ADAMTSL1: variants seen among roughly 807,000 people sequenced by gnomAD.
The protein encoded by ADAMTSL1 is ADAMTS-like protein 1.
In ADAMTSL1, 126 loss-of-function variants were observed where a neutral mutation model predicts 201.8. The observed-to-expected ratio is 0.62, with a 90% CI of 0.54 to 0.72. The LOEUF (loss-of-function observed/expected upper bound fraction) is 0.72. ADAMTSL1 is among the 30% of genes least tolerant of loss of function. The pLI, the probability that ADAMTSL1 is intolerant of heterozygous loss-of-function variation, is 0.00. For synonymous variants in ADAMTSL1, 1,121 were observed against 903.4 expected (o/e 1.24, Z -4.32); for missense variants, 2,679 against 2,277.8 (o/e 1.18, Z -3.59).
Position 18,777,873 on chromosome 9 carries a change from C to A in ADAMTSL1, c.3644C>A (p.Ala1215Asp). ...IGHPRPTISW[A>D]RNGEEVQFSD... is the part of the protein sequence containing the mutation. ...CACCCAAGGCCTACCATCAGCTGGG[C>A]CAGGAATGGAGAAGAAGTTCAGTTC... Residue 1215 changes from alanine to aspartate, a missense_variant, in exon 19 of 29, where the codon GCC (alanine) becomes GAC (aspartate). Physicochemically the swap from Ala to Asp is moderately radical, Grantham distance 126. Transcript: ENST00000380548. The A allele has an allele frequency of 6.4e-7, 1 of 1,562,572 alleles. No individual in the cohort carries two copies. The highest frequency in any genetic ancestry group is 8.7e-7 in the Non-Finnish European group (1 of 1,150,328).
At chr9:18,844,884 T>C (rs1342214048) in intron 23 of ADAMTSL1, among the ~76,000 whole-genome samples, 4 of 152,222 alleles carry the variant, frequency 2.6e-5, no homozygotes, top group African/African-American at 7.2e-5. Context: ...TTTTTAAGCC[T>C]GTCGGAAAAG....
At chr9:18,326,702 C>A (rs1208803010) in intron 2 of ADAMTSL1, among the ~76,000 whole-genome samples, 1 of 152,178 alleles carries the variant, frequency 6.6e-6, no homozygotes, top group African/African-American at 2.4e-5. Context: ...ATCCCTTCCC[C>A]CTTGGTAAAT....
At chr9:18,536,949 G>A (rs7855050) in intron 3 of ADAMTSL1, among the ~76,000 whole-genome samples, 75,105 of 151,542 alleles carry the variant, frequency 0.5, 19,688 homozygotes, top group East Asian at 0.73. Context: ...CTATCCTTAA[G>A]GTTCATATGA....
chr9:17,920,989 T>C (rs1826277394), intron 1 of ADAMTSL1, among the ~76,000 whole-genome samples: 1 of 152,236 alleles, frequency 6.6e-6, no homozygotes, highest in Non-Finnish European at 1.5e-5. Context: ...CTAGGTTCTT[T>C]GTGGGCTTTC....
chr9:18,142,134 C>G (rs927068150), intron 1 of ADAMTSL1, among the ~76,000 whole-genome samples: 8 of 152,148 alleles, frequency 5.3e-5, no homozygotes, highest in Non-Finnish European at 1.0e-4. Flanking sequence ...TCTAGCAGTC[C>G]CCTGACCTCT....
At chr9:18,690,031 G>C (rs1831118208) in intron 13 of ADAMTSL1, among the ~76,000 whole-genome samples, 1 of 152,192 alleles carries the variant, frequency 6.6e-6, no homozygotes, top group Admixed American at 6.5e-5. Context: ...TAAGTAAGCA[G>C]AAGGCAGCAG....
At chr9:18,161,270 T>A (rs1482662635) in intron 1 of ADAMTSL1, among the ~76,000 whole-genome samples, 1 of 152,042 alleles carries the variant, frequency 6.6e-6, no homozygotes, top group Non-Finnish European at 1.5e-5. Context: ...TGGAGGATAT[T>A]TGAGTCATTT....
intron 2 of ADAMTSL1, among the ~76,000 whole-genome samples, chr9:18,234,356 A>G (rs763393759): frequency 6.6e-6 from 1 of 152,120 alleles, no homozygotes; most frequent in Admixed American, 6.5e-5. Flanking sequence ...TGTCAGAGAG[A>G]TAGTTGGATG....
At chr9:18,377,553 A>T (rs571344553) in intron 2 of ADAMTSL1, among the ~76,000 whole-genome samples, 18 of 152,084 alleles carry the variant, frequency 1.2e-4, no homozygotes, top group Middle Eastern at 6.8e-3. Context: ...ATTGTGAAAG[A>T]TTCACTTTTT....
intron 22 of ADAMTSL1, 106 bp from the exon 23 acceptor site, chr9:18,829,737 T>C: frequency 7.2e-7 from 1 of 1,385,044 alleles, no homozygotes; most frequent in African/African-American, 1.4e-5. Flanking sequence ...ATGCCTATCT[T>C]ACATATACGC....
chr9:18,364,802 A>C (rs535588861), intron 2 of ADAMTSL1, among the ~76,000 whole-genome samples: 32 of 152,134 alleles, frequency 2.1e-4, no homozygotes, highest in Non-Finnish European at 4.0e-4. Context: ...AAGGGCAAAC[A>C]GGCAGGTCAC....
intron 23 of ADAMTSL1, among the ~76,000 whole-genome samples, chr9:18,859,409 G>A (rs192852884): frequency 2.6e-4 from 39 of 152,212 alleles, no homozygotes; most frequent in African/African-American, 8.4e-4. Flanking sequence ...TTGCATAATC[G>A]AGGATAATCC....
At chr9:17,982,649 C>G (rs754243032) in intron 1 of ADAMTSL1, among the ~76,000 whole-genome samples, 1 of 151,774 alleles carries the variant, frequency 6.6e-6, no homozygotes, top group Non-Finnish European at 1.5e-5. Context: ...AAAATAAAAC[C>G]GGGCAGGATA....
At chr9:18,168,946 A>G (rs1302535425) in intron 2 of ADAMTSL1, among the ~76,000 whole-genome samples, 3 of 151,402 alleles carry the variant, frequency 2.0e-5, no homozygotes, top group Middle Eastern at 3.2e-3. Flanking sequence ...GTCTGTTCAT[A>G]TCCTTCGCCC....
intron 2 of ADAMTSL1, among the ~76,000 whole-genome samples, chr9:18,235,356 G>T (rs1247135010): frequency 6.6e-6 from 1 of 152,138 alleles, no homozygotes; most frequent in African/African-American, 2.4e-5. Flanking sequence ...TCACATCAAA[G>T]GTACCTGCTA....
chr9:17,918,723 A>G (rs947940593), intron 1 of ADAMTSL1, among the ~76,000 whole-genome samples: 1 of 151,830 alleles, frequency 6.6e-6, no homozygotes, highest in Non-Finnish European at 1.5e-5. Context: ...TCTTCCATAC[A>G]CTTACTGATT....
At chr9:18,322,584 G>T (rs1351674225) in intron 2 of ADAMTSL1, among the ~76,000 whole-genome samples, 2 of 152,118 alleles carry the variant, frequency 1.3e-5, no homozygotes, top group Admixed American at 1.3e-4. Context: ...AGTGAGCCGA[G>T]ATTGTGCCAC....
intron 24 of ADAMTSL1, 24 bp downstream of exon 24, chr9:18,888,067 A>C (rs1179791447): frequency 2.5e-6 from 4 of 1,602,014 alleles, no homozygotes; most frequent in Admixed American, 3.3e-5. Flanking sequence ...CAGACTTTGC[A>C]TACTGGACTT....
At chr9:18,359,815 A>ACCCCC (rs1563911410) in intron 2 of ADAMTSL1, among the ~76,000 whole-genome samples, 4 of 46,880 alleles carry the variant, frequency 8.5e-5, no homozygotes, top group Non-Finnish European at 1.2e-4. Flanking sequence ...TTAATGCCCC[A>ACCCCC]CCTCCCCACC....
Sources: gnomAD v4.1 joint callset for allele counts (sites outside exome capture counted in the v4.1 genomes callset) on GRCh38, gnomAD v4.1.1 for gene constraint, MANE v1.5 for transcripts, NCBI Gene and HGNC (gene_info 2026-07-23, HGNC 2026-07-21) for gene names.